SASH1: variants seen among roughly 807,000 people sequenced by gnomAD.
The protein encoded by SASH1 is SAM and SH3 domain containing 1.
A neutral mutation model predicts 125.2 loss-of-function variants in SASH1; 44 were observed. The observed-to-expected ratio is 0.35, with a 90% CI of 0.28 to 0.45. The LOEUF is 0.45. Among genes scored for constraint, SASH1 ranks in the 20% least tolerant of loss-of-function variants. The pLI is 1.00. For missense variants in SASH1, 1,426 were observed against 1,614.5 expected (o/e 0.88, Z 2.00); for synonymous variants, 639 against 649.1 (o/e 0.98, Z 0.24).
intron 2 of SASH1, among the ~76,000 whole-genome samples, chr6:148,407,386 C>T (rs1012581001): frequency 1.3e-5 from 2 of 152,138 alleles, no homozygotes; most frequent in South Asian, 2.1e-4. Flanking sequence ...CAGCGTTCAT[C>T]TGTCTTGTAG....
the SASH1 span, among the ~76,000 whole-genome samples, chr6:148,209,716 A>G: frequency 1.3e-5 from 2 of 152,174 alleles, no homozygotes; most frequent in Non-Finnish European, 2.9e-5. Context: ...CACCTCTCAG[A>G]ATGGTGAAGG....
chr6:148,295,730 T>C (rs113798256), intron 1 of SASH1, among the ~76,000 whole-genome samples: 2 of 152,300 alleles, frequency 1.3e-5, no homozygotes, highest in African/African-American at 4.8e-5. Flanking sequence ...GGACGTGCAG[T>C]TGGGCTGAAG....
chr6:148,430,279 C>T (rs1487272107), intron 2 of SASH1, among the ~76,000 whole-genome samples: 1 of 152,214 alleles, frequency 6.6e-6, no homozygotes, highest in Non-Finnish European at 1.5e-5. Flanking sequence ...GGGGCTTCTT[C>T]TTCTGAAACG....
chr6:148,400,352 G>C (rs183215411), intron 2 of SASH1, among the ~76,000 whole-genome samples: 6 of 152,338 alleles, frequency 3.9e-5, no homozygotes, highest in African/African-American at 1.4e-4. Flanking sequence ...TGCTGGTGTT[G>C]TCACACACTA....
At chr6:148,257,076 A>T in the SASH1 span, among the ~76,000 whole-genome samples, 1 of 152,206 alleles carries the variant, frequency 6.6e-6, no homozygotes, top group South Asian at 2.1e-4. Flanking sequence ...TTAAATATCA[A>T]TACGGCTGTT....
intron 4 of SASH1, among the ~76,000 whole-genome samples, chr6:148,458,961 T>G (rs1777482509): frequency 1.2e-5 from 1 of 85,132 alleles, no homozygotes; most frequent in African/African-American, 3.4e-5. Context: ...AGCAAGAACC[T>G]GTCTCAAAAA....
intron 1 of SASH1, among the ~76,000 whole-genome samples, chr6:148,361,233 GA>G (rs1782191251): frequency 6.6e-6 from 1 of 152,202 alleles, no homozygotes; most frequent in Non-Finnish European, 1.5e-5. Flanking sequence ...CAGCCCCTAG[GA>G]AACAATACAG....
chr6:148,241,342 T>C, the SASH1 span, among the ~76,000 whole-genome samples: 1 of 152,192 alleles, frequency 6.6e-6, no homozygotes, highest in Non-Finnish European at 1.5e-5. Flanking sequence ...TATATACATA[T>C]TAAGAACTCT....
At chr6:148,355,380 G>A (rs1363338497) in intron 1 of SASH1, among the ~76,000 whole-genome samples, 1 of 151,888 alleles carries the variant, frequency 6.6e-6, no homozygotes, top group Non-Finnish European at 1.5e-5. Flanking sequence ...CTGATGTGTA[G>A]TAGCAATTTG....
chr6:148,325,422 G>A (rs1223362437), intron 1 of SASH1, among the ~76,000 whole-genome samples: 1 of 151,990 alleles, frequency 6.6e-6, no homozygotes, highest in Non-Finnish European at 1.5e-5. Context: ...GTTTACAGGT[G>A]CATGCCACCA....
chr6:148,376,458 G>C (rs1583046702), intron 1 of SASH1, among the ~76,000 whole-genome samples: 1 of 152,124 alleles, frequency 6.6e-6, no homozygotes, highest in Non-Finnish European at 1.5e-5. Flanking sequence ...AAACAAACAG[G>C]TTTTCCTTTA....
intron 1 of SASH1, among the ~76,000 whole-genome samples, chr6:148,309,098 A>AAAAAG (rs1780226597): frequency 6.6e-6 from 1 of 151,162 alleles, no homozygotes; most frequent in Non-Finnish European, 1.5e-5. Context: ...AAAAAAAAAA[A>AAAAAG]AAAAAGATTC....
intron 1 of SASH1, among the ~76,000 whole-genome samples, chr6:148,383,752 T>C (rs1783248828): frequency 6.6e-6 from 1 of 152,172 alleles, no homozygotes; most frequent in Non-Finnish European, 1.5e-5. Context: ...TTCCTAGTAG[T>C]TTTAGGTTTT....
chr6:148,376,231 TA>T (rs1410916395), intron 1 of SASH1, among the ~76,000 whole-genome samples: 1 of 152,102 alleles, frequency 6.6e-6, no homozygotes, highest in East Asian at 1.9e-4. Flanking sequence ...CATGCCTAGC[TA>T]ATTTTTTTGT....
chr6:148,510,013 G>A lies in SASH1; in HGVS notation c.730-4311G>A, dbSNP rs187306251. Among the ~76,000 whole-genome samples, 8 of 152,316 alleles carry A rather than the reference G, an allele frequency of 5.3e-5. No individual in the cohort carries two copies. In the East Asian group the frequency reaches 1.5e-3, roughly 29 times the overall value. ...TTCAGTGGCCTGGCCGGCAAATGGT[G>A]TGCTATCTCTTTAAAGCAGCTATAG... On this transcript the variant is annotated intron_variant, in intron 8 of 19. Coordinates refer to ENST00000367467, the MANE Select transcript of SASH1 (RefSeq NM_015278.5).
chr6:148,500,279 T>G (rs752124724), intron 8 of SASH1, among the ~76,000 whole-genome samples: 1 of 152,052 alleles, frequency 6.6e-6, no homozygotes, highest in Admixed American at 6.6e-5. Flanking sequence ...GGTCCATTTA[T>G]GTTTGTTGTT....
the SASH1 span, among the ~76,000 whole-genome samples, chr6:148,233,405 T>A: frequency 2.0e-5 from 3 of 151,950 alleles, no homozygotes. Context: ...CCACCCAGTG[T>A]CCACCTTTTT....
At chr6:148,368,770 G>GCACACACACACACACACACACACACA (rs377455429) in intron 1 of SASH1, among the ~76,000 whole-genome samples, 244 of 135,710 alleles carry the variant, frequency 1.8e-3, no homozygotes, top group Middle Eastern at 3.7e-3. Context: ...GCACGCGCGC[G>GCACACACACACACACACACACACACA]CACACACACA....
Position 148,455,353 on chromosome 6 carries a change from C to T in SASH1, c.387-13192C>T, listed in dbSNP as rs557951984. 1.7e-4 allele frequency among the ~76,000 whole-genome samples: 26 copies of T among 152,272 alleles called. No individual in the cohort carries two copies. In the South Asian group the frequency reaches 4.4e-3, roughly 26 times the overall value. On this transcript the variant is annotated intron_variant, in intron 4 of 19. Coordinates refer to ENST00000367467, the MANE Select transcript of SASH1 (RefSeq NM_015278.5). ...TAAGCTCTTGGCTTCTACTCTGCAT[C>T]GTAAGCACAGGTCGAGTTGGGGGCT... is the stretch of plus-strand genomic sequence containing the variant.
Sources: gnomAD v4.1 joint callset for allele counts (sites outside exome capture counted in the v4.1 genomes callset) on GRCh38, gnomAD v4.1.1 for gene constraint, MANE v1.5 for transcripts, NCBI Gene and HGNC (gene_info 2026-07-23, HGNC 2026-07-21) for gene names.